The following CDK8 variants were observed in gnomAD, a reference collection of about 807,000 sequenced individuals.
CDK8 encodes cyclin dependent kinase 8, also known as cyclin-dependent kinase 8.
In CDK8, 29 loss-of-function variants were observed where a neutral mutation model predicts 71.5. The ratio of observed to expected loss-of-function variants is 0.41; its 90% CI spans 0.30 to 0.55. CDK8 has a LOEUF of 0.55. CDK8 is among the 20% of genes least tolerant of loss of function. The pLI is 0.37. For missense variants in CDK8, 288 were observed against 572.6 expected (o/e 0.50, Z 5.07); for synonymous variants, 161 against 192.1 (o/e 0.84, Z 1.34).
At chr13:26,320,772 G>A (rs1302574819) in intron 1 of CDK8, among the ~76,000 whole-genome samples, 1 of 152,086 alleles carries the variant, frequency 6.6e-6, no homozygotes, top group Non-Finnish European at 1.5e-5. Context: ...TACATACAAA[G>A]GTACTCAACA....
At chr13:26,367,312 TAAG>T (rs1440941893) in intron 4 of CDK8, among the ~76,000 whole-genome samples, 4 of 151,412 alleles carry the variant, frequency 2.6e-5, no homozygotes, top group African/African-American at 7.3e-5. Flanking sequence ...AAGGAGAAAT[TAAG>T]AAGAAAAATA....
At chr13:26,343,535 G>T (rs1268828043) in intron 2 of CDK8, among the ~76,000 whole-genome samples, 2 of 151,904 alleles carry the variant, frequency 1.3e-5, no homozygotes, top group Admixed American at 1.3e-4. Context: ...CTTGTTCAAG[G>T]TCCCCCCAAA....
At chr13:26,311,401 C>T (rs1874278702) in intron 1 of CDK8, among the ~76,000 whole-genome samples, 1 of 152,016 alleles carries the variant, frequency 6.6e-6, no homozygotes, top group African/African-American at 2.4e-5. Context: ...TGTTAGAATG[C>T]GTTTGGTCGC....
At chr13:26,283,723 C>G (rs565465239) in intron 1 of CDK8, among the ~76,000 whole-genome samples, 1 of 152,166 alleles carries the variant, frequency 6.6e-6, no homozygotes, top group East Asian at 1.9e-4. Context: ...TTTGGTGAAA[C>G]CCCTTCTCTA....
At chr13:26,350,022 G>A (rs1209118900) in intron 3 of CDK8, among the ~76,000 whole-genome samples, 6 of 152,124 alleles carry the variant, frequency 3.9e-5, no homozygotes, top group Admixed American at 3.3e-4. Context: ...ATTCAGTACA[G>A]TAACATGTAC....
At chr13:26,260,297 A>G (rs146894522) in intron 1 of CDK8, among the ~76,000 whole-genome samples, 2 of 152,316 alleles carry the variant, frequency 1.3e-5, no homozygotes, top group African/African-American at 4.8e-5. Flanking sequence ...CAGTGGAGAT[A>G]AATTTATCAG....
intron 3 of CDK8, among the ~76,000 whole-genome samples, chr13:26,352,640 GA>G (rs34885422): frequency 6.6e-6 from 1 of 151,866 alleles, no homozygotes; most frequent in East Asian, 1.9e-4. Context: ...TAAATACTTT[GA>G]AAAAAAGACT....
At chr13:26,283,087 A>G (rs1566470632) in intron 1 of CDK8, among the ~76,000 whole-genome samples, 1 of 152,252 alleles carries the variant, frequency 6.6e-6, no homozygotes, top group Non-Finnish European at 1.5e-5. Context: ...GAAATGGGAT[A>G]GATGGCAACA....
intron 1 of CDK8, among the ~76,000 whole-genome samples, chr13:26,319,958 C>T (rs1475883598): frequency 6.6e-6 from 1 of 151,956 alleles, no homozygotes; most frequent in Non-Finnish European, 1.5e-5. Flanking sequence ...ATGCTAAGGC[C>T]ATTTAATGGG....
At chr13:26,286,526 A>G (rs1214969791) in intron 1 of CDK8, among the ~76,000 whole-genome samples, 3 of 152,210 alleles carry the variant, frequency 2.0e-5, no homozygotes. Flanking sequence ...GATGGAGTAA[A>G]GACTTAAATC....
At chr13:26,300,305 C>G (rs1331445694) in intron 1 of CDK8, among the ~76,000 whole-genome samples, 1 of 152,070 alleles carries the variant, frequency 6.6e-6, no homozygotes, top group East Asian at 1.9e-4. Context: ...TACTAAGTGA[C>G]TAATGGGTGA....
chr13:26,331,201 T>C (rs1875299512), intron 1 of CDK8, among the ~76,000 whole-genome samples: 1 of 152,210 alleles, frequency 6.6e-6, no homozygotes, highest in African/African-American at 2.4e-5. Flanking sequence ...ATTAGTGATA[T>C]TGAGCATTTT....
chr13:26,360,269 A>T (rs1259964961), intron 4 of CDK8, among the ~76,000 whole-genome samples: 1 of 152,178 alleles, frequency 6.6e-6, no homozygotes, highest in African/African-American at 2.4e-5. Flanking sequence ...CAGCCTGGGC[A>T]ATATAGTGAG....
At chr13:26,365,903 CA>C (rs2138019239) in intron 4 of CDK8, among the ~76,000 whole-genome samples, 1 of 151,934 alleles carries the variant, frequency 6.6e-6, no homozygotes, top group East Asian at 1.9e-4. Flanking sequence ...ATTAGCAAAA[CA>C]AATATATCAC....
intron 1 of CDK8, among the ~76,000 whole-genome samples, chr13:26,278,274 A>C (rs1872626045): frequency 1.3e-5 from 2 of 152,204 alleles, no homozygotes; most frequent in Non-Finnish European, 2.9e-5. Context: ...ATTTTGCTAA[A>C]ATGTGGAGAT....
intron 1 of CDK8, among the ~76,000 whole-genome samples, chr13:26,283,036 T>A (rs559841797): frequency 6.6e-6 from 1 of 152,192 alleles, no homozygotes; most frequent in Non-Finnish European, 1.5e-5. Context: ...GGACCTAACA[T>A]TGGAGTTCCA....
At chr13:26,390,040 A>G (rs553550715) in intron 6 of CDK8, among the ~76,000 whole-genome samples, 4 of 152,220 alleles carry the variant, frequency 2.6e-5, no homozygotes, top group East Asian at 3.9e-4. Context: ...GAATTACAAA[A>G]TGGAACCTTT....
At chr13:26,352,424 G>T (rs997521665) in intron 3 of CDK8, among the ~76,000 whole-genome samples, 11 of 152,040 alleles carry the variant, frequency 7.2e-5, no homozygotes, top group African/African-American at 2.7e-4. Context: ...CACCGTGTTA[G>T]CCAGGATGGT....
intron 1 of CDK8, among the ~76,000 whole-genome samples, chr13:26,261,319 C>T (rs935994126): frequency 6.6e-6 from 1 of 152,188 alleles, no homozygotes; most frequent in African/African-American, 2.4e-5. Flanking sequence ...ATATAAGTCA[C>T]ATACCATAAA....
Sources: allele counts gnomAD v4.1 joint callset (sites outside exome capture counted in the v4.1 genomes callset), GRCh38; gene constraint gnomAD v4.1.1; transcripts MANE v1.5; gene names NCBI Gene and HGNC (gene_info 2026-07-23, HGNC 2026-07-21).